DLC1: variants seen among roughly 807,000 people sequenced by gnomAD.
DLC1 encodes the protein DLC1 Rho GTPase activating protein.
DLC1 carries 54 observed loss-of-function variants against 140.3 expected under a neutral mutation model. The ratio of observed to expected loss-of-function variants is 0.38; its 90% CI spans 0.31 to 0.48. The LOEUF is 0.48. Ranked by LOEUF, DLC1 falls within the 20% of genes least tolerant of loss-of-function variation. The pLI is 0.96. For synonymous variants in DLC1, 986 were observed against 728.1 expected (o/e 1.35, Z -5.70); for missense variants, 2,536 against 1,907.0 (o/e 1.33, Z -6.14).
At chr8:13,193,551 G>A (rs1335600476) in intron 5 of DLC1, among the ~76,000 whole-genome samples, 2 of 152,102 alleles carry the variant, frequency 1.3e-5, no homozygotes, top group Admixed American at 6.6e-5. Flanking sequence ...TAACTCAGTG[G>A]GTTAGAAGCA....
At chr8:13,217,476 G>T (rs963669755) in intron 5 of DLC1, among the ~76,000 whole-genome samples, 3 of 152,108 alleles carry the variant, frequency 2.0e-5, no homozygotes, top group African/African-American at 7.2e-5. Flanking sequence ...GTTACTAAAT[G>T]CATTGGCTTC....
intron 5 of DLC1, among the ~76,000 whole-genome samples, chr8:13,199,490 T>A (rs1040478029): frequency 6.6e-6 from 1 of 152,162 alleles, no homozygotes; most frequent in African/African-American, 2.4e-5. Context: ...GTTCTCATTC[T>A]TCAGAACCCT....
At position 13,443,302 on chromosome 8, in the gene DLC1, A is replaced by C. The variant is rs565113767; in HGVS notation, c.1024-41683T>G. On this transcript the variant is annotated intron_variant, in intron 2 of 17. Coordinates refer to ENST00000276297, the MANE Select transcript of DLC1 (RefSeq NM_182643.3). ...ACACCAACATGGCACATGTATACAT[A>C]TGTAACTAACCTGCACTTTGTGCAT... 2.1e-4 allele frequency among the ~76,000 whole-genome samples: 31 copies of C among 150,262 alleles called. 1 individual carries two copies. The South Asian group carries it at 6.7e-3, about 32-fold the overall frequency.
At chr8:13,307,345 T>C (rs1832487331) in intron 4 of DLC1, among the ~76,000 whole-genome samples, 1 of 152,204 alleles carries the variant, frequency 6.6e-6, no homozygotes, top group Non-Finnish European at 1.5e-5. Flanking sequence ...CTTTCATTTG[T>C]TAAGAAGTCA....
chr8:13,111,294 G>C (rs1554575512), intron 6 of DLC1, among the ~76,000 whole-genome samples: 1 of 152,144 alleles, frequency 6.6e-6, no homozygotes, highest in Non-Finnish European at 1.5e-5. Context: ...GTAGGAAATG[G>C]AATGTAATCC....
At chr8:13,432,694 G>T (rs553792669) in intron 2 of DLC1, among the ~76,000 whole-genome samples, 1 of 152,164 alleles carries the variant, frequency 6.6e-6, no homozygotes, top group Non-Finnish European at 1.5e-5. Context: ...AGACTCAAAT[G>T]TTATTCAGTT....
chr8:13,155,342 C>T (rs2128980844), intron 5 of DLC1, among the ~76,000 whole-genome samples: 1 of 146,412 alleles, frequency 6.8e-6, no homozygotes, highest in South Asian at 2.2e-4. Context: ...CATGACAAAA[C>T]CACCTCCACC....
intron 5 of DLC1, among the ~76,000 whole-genome samples, chr8:13,151,125 G>A (rs760548292): frequency 6.6e-6 from 1 of 152,112 alleles, no homozygotes; most frequent in Non-Finnish European, 1.5e-5. Flanking sequence ...TATAAAACAC[G>A]GGTAAAGATC....
At chr8:13,550,800 G>T (rs73210100) in intron 1 of DLC1, among the ~76,000 whole-genome samples, 4,710 of 152,114 alleles carry the variant, frequency 0.031, 96 homozygotes, top group Non-Finnish European at 0.045. Context: ...TGTATGGCTA[G>T]AAAGAGTCTC....
At chr8:13,539,177 A>G (rs111341352) in intron 1 of DLC1, among the ~76,000 whole-genome samples, 247 of 122,294 alleles carry the variant, frequency 2.0e-3, no homozygotes, top group African/African-American at 6.0e-3. Flanking sequence ...TGCAAATTGT[A>G]TGTATGTGTG....
chr8:13,533,320 A>C (rs929699016), intron 1 of DLC1, among the ~76,000 whole-genome samples: 1 of 152,196 alleles, frequency 6.6e-6, no homozygotes, highest in Non-Finnish European at 1.5e-5. Context: ...CAAAAATGGA[A>C]AGACAAAATA....
chr8:13,263,503 AT>A (rs1830550736), intron 5 of DLC1, among the ~76,000 whole-genome samples: 1 of 151,906 alleles, frequency 6.6e-6, no homozygotes, highest in Admixed American at 6.6e-5. Flanking sequence ...TTCAAACTTT[AT>A]TCATCAGTCT....
chr8:13,308,392 T>TA (rs1832542681), intron 4 of DLC1, among the ~76,000 whole-genome samples: 1 of 152,200 alleles, frequency 6.6e-6, no homozygotes, highest in Admixed American at 6.5e-5. Flanking sequence ...TTTTTAAGAG[T>TA]AAAACCACAT....
At chr8:13,147,766 G>A (rs1823538995) in intron 5 of DLC1, among the ~76,000 whole-genome samples, 1 of 152,098 alleles carries the variant, frequency 6.6e-6, no homozygotes, top group African/African-American at 2.4e-5. Context: ...TAGGCGGGCG[G>A]ATCATGAGGT....
chr8:13,157,058 C>T (rs768377176), intron 5 of DLC1, among the ~76,000 whole-genome samples: 4 of 152,168 alleles, frequency 2.6e-5, no homozygotes, highest in Admixed American at 6.5e-5. Context: ...ACTGATTTAC[C>T]GGGGACTTTT....
At chr8:13,189,140 G>A (rs963773859) in intron 5 of DLC1, among the ~76,000 whole-genome samples, 1 of 152,024 alleles carries the variant, frequency 6.6e-6, no homozygotes, top group Non-Finnish European at 1.5e-5. Context: ...ATAATTGTAA[G>A]TATTTCAACT....
intron 5 of DLC1, chr8:13,132,974 T>A: frequency 6.2e-7 from 1 of 1,611,350 alleles, no homozygotes; most frequent in South Asian, 1.1e-5. Flanking sequence ...GGCTTCTTTC[T>A]GCACATCAAG....
intron 7 of DLC1, among the ~76,000 whole-genome samples, chr8:13,109,096 C>A (rs575316958): frequency 6.6e-6 from 1 of 152,246 alleles, no homozygotes; most frequent in Admixed American, 6.5e-5. Context: ...ATACACTATG[C>A]TAAATATCCC....
chr8:13,472,632 T>G (rs1800260050), intron 2 of DLC1, among the ~76,000 whole-genome samples: 1 of 152,184 alleles, frequency 6.6e-6, no homozygotes, highest in Admixed American at 6.5e-5. Context: ...GAACCAGCCT[T>G]GGGCCTCAAT....
Sources: gnomAD v4.1 joint callset for allele counts (sites outside exome capture counted in the v4.1 genomes callset) on GRCh38, gnomAD v4.1.1 for gene constraint, MANE v1.5 for transcripts, NCBI Gene and HGNC (gene_info 2026-07-23, HGNC 2026-07-21) for gene names.